The following BHLHE22 variants were observed in gnomAD, a reference collection of about 807,000 sequenced individuals.
BHLHE22 encodes class E basic helix-loop-helix protein 22.
A neutral mutation model predicts 17.6 loss-of-function variants in BHLHE22; 8 were observed. That is an observed-to-expected ratio of 0.45 (90% CI 0.27 to 0.82). The LOEUF (loss-of-function observed/expected upper bound fraction) is 0.82. Among genes scored for constraint, BHLHE22 ranks in the 40% least tolerant of loss-of-function variants. The pLI is 0.16. For missense variants in BHLHE22, 570 were observed against 581.5 expected, an observed-to-expected ratio of 0.98 and a Z score of 0.20; for synonymous variants, 353 against 282.7, an observed-to-expected ratio of 1.25 and a Z score of -2.49.
In BHLHE22 at chr8:64,581,437, G is replaced by A. The variant is rs1470743959; in HGVS notation, c.647G>A (p.Gly216Asp). ...GGSSSGSSGG[G>D]GGSGSGSGGS... Reference sequence around the variant, plus strand: ...AGCAGCAGCGGTAGCAGTGGCGGCGGTGGCGGTAGCGGTAGCGGCAGCGGC... The same window carrying A: ...AGCAGCAGCGGTAGCAGTGGCGGCGATGGCGGTAGCGGTAGCGGCAGCGGC... The change falls in exon 1 of 1, where the codon GGT becomes GAT. Residue 216 changes from glycine to aspartate, a missense_variant. Physicochemically the swap from Gly to Asp is moderately conservative, Grantham distance 94. Transcript: ENST00000321870. The surrounding 1 kb of genome is among the most constrained non-coding windows in gnomAD (Gnocchi z 6.4). 1.3e-6 allele frequency: 2 copies of A among 1,537,032 alleles called. No individual in the cohort carries two copies. Among genetic ancestry groups the A allele is most frequent in the East Asian group, 2.4e-5 (1 of 40,888 alleles).
chr8:64,582,643 T>G lies in BHLHE22; in HGVS notation c.*707T>G, dbSNP rs183147109. 1.2e-5 allele frequency: 2 copies of G among 167,128 alleles called. No individual in the cohort carries two copies. The highest frequency in any genetic ancestry group is 4.8e-5 in the African/African-American group (2 of 41,458). 10.4% of individuals were successfully genotyped at this position (167,128 alleles called of 1,614,324 possible). On this transcript the variant is annotated 3_prime_UTR_variant, in exon 1 of 1. Transcript: ENST00000321870. ...AAAAAACTGACTGTGGCTGAAAGAA[T>G]TGCATTTAAAAATATTTATGTGCAC...
In BHLHE22 at chr8:64,582,225, C is replaced by A; in HGVS notation, c.*289C>A. ...GTGGCAACTTTGGTGGCAGCCTAGA[C>A]CGCGAGGAAGTGGAATCTTCCTTAA... is the stretch of plus-strand genomic sequence containing the variant. On this transcript the variant is annotated 3_prime_UTR_variant, in exon 1 of 1. Coordinates refer to ENST00000321870, the MANE Select transcript of BHLHE22 (RefSeq NM_152414.5). 1 of 481,636 alleles carries A rather than the reference C, an allele frequency of 2.1e-6. No homozygotes were observed. Among genetic ancestry groups the A allele is most frequent in the East Asian group, 4.3e-5 (1 of 23,060 alleles). The allele number at this position is 481,636 out of a possible 1,614,324, so 29.8% of individuals were successfully genotyped here.
Position 64,581,333 on chromosome 8 carries a change from C to G in BHLHE22, c.543C>G (p.Ala181=), listed in dbSNP as rs1481834969. Residue 181 remains alanine, a synonymous_variant, in exon 1 of 1, where the codon GCC becomes GCG. Transcript: ENST00000321870. The surrounding 1 kb of genome is among the most constrained non-coding windows in gnomAD (Gnocchi z 6.4). The part of the protein sequence containing the change: ...PGAGGGGAKA[A]EGCSNAHLHG... ...CGGGAGGTGGTGGCGCGAAGGCAGC[C>G]GAGGGCTGCTCCAATGCCCACCTCC... is the stretch of plus-strand genomic sequence containing the variant. 4.1e-6 allele frequency: 6 copies of G among 1,457,368 alleles called. No homozygotes were observed. Among genetic ancestry groups the G allele is most frequent in the South Asian group, 1.4e-5 (1 of 70,956 alleles). The allele number at this position is 1,457,368 out of a possible 1,614,324, so 90.3% of individuals were successfully genotyped here.
At position 64,580,664 on chromosome 8, in the gene BHLHE22, A is replaced by T. The variant is rs1804874033; in HGVS notation, c.-127A>T. Reference sequence around the variant, plus strand: ...AGGGGAGAGGGCTCCCGGCAGCACCAGGACCGACGCGCGCACCAGCTCCGG... The same window carrying T: ...AGGGGAGAGGGCTCCCGGCAGCACCTGGACCGACGCGCGCACCAGCTCCGG... On this transcript the variant is annotated 5_prime_UTR_variant, in exon 1 of 1. Transcript: ENST00000321870. 2.4e-6 allele frequency: 1 copy of T among 413,308 alleles called. No homozygotes were observed. The highest frequency in any genetic ancestry group is 3.3e-6 in the Non-Finnish European group (1 of 304,764). The allele number at this position is 413,308 out of a possible 1,614,324, so 25.6% of individuals were successfully genotyped here. A position where few individuals can be genotyped will look rare whatever the true frequency, so the allele number is the denominator to read the frequency against.
rs1418478857 is a variant in BHLHE22 at position 64,580,803 on chromosome 8, A to T, written c.13A>T (p.Met5Leu). ...CCGGCGCGGGACCATGGAGCGCGGG[A>T]TGCACCTCGGTGCAGCGGCCGCCGG... MERG[M>L]HLGAAAAGED... is the part of the protein sequence containing the mutation. The change falls in exon 1 of 1, where the codon ATG becomes TTG. Residue 5 changes from methionine (M) to leucine (L), a missense_variant. Physicochemically the swap from Met to Leu is conservative, Grantham distance 15 (BLOSUM62 2). This residue lies in a region of BHLHE22 where 427 missense variants were observed against 376.2 expected (regional missense o/e 1.14). Coordinates refer to ENST00000321870, the MANE Select transcript of BHLHE22 (RefSeq NM_152414.5). The T allele has an allele frequency of 4.3e-6, 6 of 1,398,368 alleles. No homozygotes were observed. Among genetic ancestry groups the T allele is most frequent in the South Asian group, 1.5e-5 (1 of 66,350 alleles). The allele number at this position is 1,398,368 out of a possible 1,614,324, so 86.6% of individuals were successfully genotyped here.
Position 64,580,967 on chromosome 8 carries a change from G to T in BHLHE22, c.177G>T (p.Ser59=). ...GGGAACGCCCGGCGTCCTCCTCCTC[G>T]TCGCCCCTGGGCTGCTTCGAGCCGG... ...PPRERPASSS[S]SPLGCFEPAD... The change falls in exon 1 of 1, where the codon TCG becomes TCT. Residue 59 remains serine, a synonymous_variant. Coordinates refer to ENST00000321870, the MANE Select transcript of BHLHE22 (RefSeq NM_152414.5). The T allele has an allele frequency of 7.0e-7, 1 of 1,432,254 alleles. No individual in the cohort carries two copies. The allele number at this position is 1,432,254 out of a possible 1,614,324, so 88.7% of individuals were successfully genotyped here. A position where few individuals can be genotyped will look rare whatever the true frequency, so the allele number is the denominator to read the frequency against.
chr8:64,582,113 C>G lies in BHLHE22; in HGVS notation c.*177C>G, dbSNP rs1563531530. 3 of 714,552 alleles carry G rather than the reference C, an allele frequency of 4.2e-6. No individual in the cohort carries two copies. Among genetic ancestry groups the G allele is most frequent in the Non-Finnish European group, 6.9e-6 (3 of 435,702 alleles). The allele number at this position is 714,552 out of a possible 1,614,324, so 44.3% of individuals were successfully genotyped here. A position where few individuals can be genotyped will look rare whatever the true frequency, so the allele number is the denominator to read the frequency against. ...AACGGGACTTTTAGCCTTGACATCC[C>G]CAGAATCTCGGTCTTTGGGGTGGGG... On this transcript the variant is annotated 3_prime_UTR_variant, in exon 1 of 1. Transcript: ENST00000321870.
At position 64,580,727 on chromosome 8, in the gene BHLHE22, C is replaced by T. The variant is rs1585785718; in HGVS notation, c.-64C>T. ...GCGCGTCTGTGGGGCCGCCTGACTC[C>T]GGGGCCGAGGCGGCGGCGGCGGCAG... is the stretch of plus-strand genomic sequence containing the variant. On this transcript the variant is annotated 5_prime_UTR_variant, in exon 1 of 1. Coordinates refer to ENST00000321870, the MANE Select transcript of BHLHE22 (RefSeq NM_152414.5). 2 of 989,426 alleles carry T rather than the reference C, an allele frequency of 2.0e-6. No individual in the cohort carries two copies. The highest frequency in any genetic ancestry group is 2.4e-6 in the Non-Finnish European group (2 of 829,228). 61.3% of individuals were successfully genotyped at this position (989,426 alleles called of 1,614,324 possible). A position where few individuals can be genotyped will look rare whatever the true frequency, so the allele number is the denominator to read the frequency against.
At position 64,580,985 on chromosome 8, in the gene BHLHE22, C is replaced by A; in HGVS notation, c.195C>A (p.Phe65Leu). 1 of 1,362,212 alleles carries A rather than the reference C, an allele frequency of 7.3e-7. No homozygotes were observed. 84.4% of individuals were successfully genotyped at this position (1,362,212 alleles called of 1,614,324 possible). A position where few individuals can be genotyped will look rare whatever the true frequency, so the allele number is the denominator to read the frequency against. The change falls in exon 1 of 1, where the codon TTC becomes TTA. Residue 65 changes from phenylalanine (F) to leucine (L), a missense_variant. Coordinates refer to ENST00000321870, the MANE Select transcript of BHLHE22 (RefSeq NM_152414.5). ...CCTCCTCGTCGCCCCTGGGCTGCTT[C>A]GAGCCGGCTGACCCCGAGGGGGCAG... ...ASSSSSPLGCFEPADPEGAGL... is the reference protein window; with the variant it reads ...ASSSSSPLGCLEPADPEGAGL...
rs1804932497 is a variant in BHLHE22, at chr8:64,583,399, C to T, written c.*1463C>T. On this transcript the variant is annotated 3_prime_UTR_variant, in exon 1 of 1. Coordinates refer to ENST00000321870, the MANE Select transcript of BHLHE22 (RefSeq NM_152414.5). ...TCCGCCCTATGAAAATCAAGAAAAT[C>T]TTTTTTAAAAATGGAGTCCTGCTAT... The T allele has an allele frequency of 6.0e-6, 1 of 166,954 alleles. No homozygotes were observed. Among genetic ancestry groups the T allele is most frequent in the Admixed American group, 6.5e-5 (1 of 15,282 alleles). The allele number at this position is 166,954 out of a possible 1,614,324, so 10.3% of individuals were successfully genotyped here. A position where few individuals can be genotyped will look rare whatever the true frequency, so the allele number is the denominator to read the frequency against.
Position 64,581,063 on chromosome 8 carries a change from C to T in BHLHE22, c.273C>T (p.Gly91=). 2 of 1,205,710 alleles carry T rather than the reference C, an allele frequency of 1.7e-6. No individual in the cohort carries two copies. Among genetic ancestry groups the T allele is most frequent in the Non-Finnish European group, 2.1e-6 (2 of 949,448 alleles). 74.7% of individuals were successfully genotyped at this position (1,205,710 alleles called of 1,614,324 possible). A position where few individuals can be genotyped will look rare whatever the true frequency, so the allele number is the denominator to read the frequency against. ...GCGGCGGCGGCAGCGCGGGAAGTGG[C>T]GGCGGCGGCGGCGGCGGGGTGGGTG... ...GGGGGGSAGS[G]GGGGGGVGVP... The change falls in exon 1 of 1, where the codon GGC becomes GGT. Residue 91 remains glycine (G), a synonymous_variant. Transcript: ENST00000321870. This position sits in a 1 kb window ranked among gnomAD's most constrained non-coding sequence, Gnocchi z 6.4.
Position 64,580,726 on chromosome 8 carries a change from C to T in BHLHE22, c.-65C>T, listed in dbSNP as rs1180960035. 4 of 991,808 alleles carry T rather than the reference C, an allele frequency of 4.0e-6. No individual in the cohort carries two copies. Among genetic ancestry groups the T allele is most frequent in the Non-Finnish European group, 3.6e-6 (3 of 830,412 alleles). 61.4% of individuals were successfully genotyped at this position (991,808 alleles called of 1,614,324 possible). A position where few individuals can be genotyped will look rare whatever the true frequency, so the allele number is the denominator to read the frequency against. ...CGCGCGTCTGTGGGGCCGCCTGACT[C>T]CGGGGCCGAGGCGGCGGCGGCGGCA... is the stretch of plus-strand genomic sequence containing the variant. On this transcript the variant is annotated 5_prime_UTR_variant, in exon 1 of 1. Coordinates refer to ENST00000321870, the MANE Select transcript of BHLHE22 (RefSeq NM_152414.5).
In BHLHE22 at chr8:64,581,725, A is replaced by G; in HGVS notation, c.935A>G (p.Gln312Arg). The G allele has an allele frequency of 6.2e-7, 1 of 1,604,884 alleles. No homozygotes were observed. Among genetic ancestry groups the G allele is most frequent in the Non-Finnish European group, 8.5e-7 (1 of 1,176,924 alleles). ...CGGCGCCTAGTCGCCTACCTCAACCAGGGCCAGGCCATCTCGGCTGCCTCC... is the reference window on the plus strand; with the variant it reads ...CGGCGCCTAGTCGCCTACCTCAACCGGGGCCAGGCCATCTCGGCTGCCTCC... Reference protein sequence around the residue: ...EMRRLVAYLNQGQAISAASLP... With the variant: ...EMRRLVAYLNRGQAISAASLP... Residue 312 changes from glutamine (Q) to arginine (R), a missense_variant, in exon 1 of 1, where the codon CAG becomes CGG. By Grantham distance (43) the Gln-to-Arg change is conservative (BLOSUM62 1). Transcript: ENST00000321870. This position sits in a 1 kb window ranked among gnomAD's most constrained non-coding sequence, Gnocchi z 6.4.
Position 64,580,930 on chromosome 8 carries a change from C to A in BHLHE22, c.140C>A (p.Ala47Glu), listed in dbSNP as rs758249206. ...STPPGMDLSL[A>E]PPPRERPASS... Reference sequence around the variant, plus strand: ...CCCCCGGGCATGGACCTGTCCCTGGCGCCGCCGCCTCGGGAACGCCCGGCG... The same window carrying A: ...CCCCCGGGCATGGACCTGTCCCTGGAGCCGCCGCCTCGGGAACGCCCGGCG... Residue 47 changes from alanine (A) to glutamate (E), a missense_variant, in exon 1 of 1, where the codon GCG becomes GAG. This residue lies in a region of BHLHE22 where 427 missense variants were observed against 376.2 expected (regional missense o/e 1.14). Transcript: ENST00000321870. The A allele has an allele frequency of 6.7e-6, 10 of 1,484,750 alleles. No homozygotes were observed. Among genetic ancestry groups the A allele is most frequent in the Non-Finnish European group, 8.9e-7 (1 of 1,126,200 alleles). The allele number at this position is 1,484,750 out of a possible 1,614,324, so 92.0% of individuals were successfully genotyped here. A position where few individuals can be genotyped will look rare whatever the true frequency, so the allele number is the denominator to read the frequency against.
rs1011775985 is a variant in BHLHE22, at chr8:64,583,468, G to T, written c.*1532G>T. On this transcript the variant is annotated 3_prime_UTR_variant, in exon 1 of 1. Coordinates refer to ENST00000321870, the MANE Select transcript of BHLHE22 (RefSeq NM_152414.5). ...AATACAAATTCAGTTTGTCAGGTTGGATGGTGAGTTGGGAGCTGTGATGGA... is the reference window on the plus strand; with the variant it reads ...AATACAAATTCAGTTTGTCAGGTTGTATGGTGAGTTGGGAGCTGTGATGGA... 1.2e-5 allele frequency: 2 copies of T among 167,088 alleles called. No homozygotes were observed. Among genetic ancestry groups the T allele is most frequent in the Non-Finnish European group, 2.9e-5 (2 of 68,114 alleles). 10.4% of individuals were successfully genotyped at this position (167,088 alleles called of 1,614,324 possible). A position where few individuals can be genotyped will look rare whatever the true frequency, so the allele number is the denominator to read the frequency against.
chr8:64,580,751 A>T lies in BHLHE22; in HGVS notation c.-40A>T. ...CCGGGGCCGAGGCGGCGGCGGCGGCAGCGGGCGCGGCGGCCCGGGCTGCGC... is the reference window on the plus strand; with the variant it reads ...CCGGGGCCGAGGCGGCGGCGGCGGCTGCGGGCGCGGCGGCCCGGGCTGCGC... On this transcript the variant is annotated 5_prime_UTR_variant, in exon 1 of 1. Transcript: ENST00000321870. The T allele has an allele frequency of 1.9e-6, 2 of 1,041,004 alleles. No homozygotes were observed. Among genetic ancestry groups the T allele is most frequent in the Non-Finnish European group, 2.3e-6 (2 of 862,760 alleles). The allele number at this position is 1,041,004 out of a possible 1,614,324, so 64.5% of individuals were successfully genotyped here. A position where few individuals can be genotyped will look rare whatever the true frequency, so the allele number is the denominator to read the frequency against.
In BHLHE22 at chr8:64,580,769, G is replaced by C; in HGVS notation, c.-22G>C. On this transcript the variant is annotated 5_prime_UTR_variant, in exon 1 of 1. Transcript: ENST00000321870. ...CGGCGGCAGCGGGCGCGGCGGCCCG[G>C]GCTGCGCGCCGGCGCGGGACCATGG... 3.4e-6 allele frequency: 4 copies of C among 1,189,500 alleles called. No individual in the cohort carries two copies. Among genetic ancestry groups the C allele is most frequent in the Non-Finnish European group, 4.2e-6 (4 of 963,182 alleles). 73.7% of individuals were successfully genotyped at this position (1,189,500 alleles called of 1,614,324 possible). A position where few individuals can be genotyped will look rare whatever the true frequency, so the allele number is the denominator to read the frequency against.
rs975302966 is a variant in BHLHE22, at chr8:64,583,293, A to G, written c.*1357A>G. Reference sequence around the variant, plus strand: ...TCTAAAAAAATAAAATTTAAAAAGAAAGAAAACTAAGGAAGAACAAGAAGC... The same window carrying G: ...TCTAAAAAAATAAAATTTAAAAAGAGAGAAAACTAAGGAAGAACAAGAAGC... On this transcript the variant is annotated 3_prime_UTR_variant, in exon 1 of 1. Coordinates refer to ENST00000321870, the MANE Select transcript of BHLHE22 (RefSeq NM_152414.5). The G allele has an allele frequency of 1.2e-5, 2 of 167,106 alleles. No homozygotes were observed. Among genetic ancestry groups the G allele is most frequent in the Admixed American group, 6.5e-5 (1 of 15,292 alleles). 10.4% of individuals were successfully genotyped at this position (167,106 alleles called of 1,614,324 possible).
At position 64,581,149 on chromosome 8, in the gene BHLHE22, C is replaced by T. The variant is rs1250934563; in HGVS notation, c.359C>T (p.Pro120Leu). 5.0e-6 allele frequency: 7 copies of T among 1,407,556 alleles called. No homozygotes were observed. In the Admixed American group the frequency reaches 9.3e-5, roughly 19 times the overall value. The allele number at this position is 1,407,556 out of a possible 1,614,324, so 87.2% of individuals were successfully genotyped here. A position where few individuals can be genotyped will look rare whatever the true frequency, so the allele number is the denominator to read the frequency against. The change falls in exon 1 of 1, where the codon CCG (proline) becomes CTG (leucine). Residue 120 changes from proline to leucine, a missense_variant. Around this residue, in one of 3 missense-constraint regions of BHLHE22, gnomAD observed 427 missense variants for 376.2 expected, o/e 1.14. Transcript: ENST00000321870. This position sits in a 1 kb window ranked among gnomAD's most constrained non-coding sequence, Gnocchi z 6.4. ...VGGDPSLSSLPAGAALCLKYG... is the reference protein window; with the variant it reads ...VGGDPSLSSLLAGAALCLKYG... The stretch of plus-strand genomic sequence containing the variant: ...GGCGACCCTAGCCTAAGCAGCCTGC[C>T]GGCCGGGGCCGCCCTTTGCCTCAAG...
Sources: gnomAD v4.1 joint callset for allele counts on GRCh38, gnomAD v4.1.1 for gene constraint, gnomAD v4.1.1 regional missense constraint, Gnocchi (gnomAD v3.1) non-coding constraint, MANE v1.5 for transcripts, NCBI Gene and HGNC (gene_info 2026-07-23, HGNC 2026-07-21) for gene names.